The following VWA8 variants were observed in gnomAD, a reference collection of about 807,000 sequenced individuals.
The protein encoded by VWA8 is von Willebrand factor A domain containing 8.
VWA8 carries 221 observed loss-of-function variants against 241.5 expected under a neutral mutation model. That is an observed-to-expected ratio of 0.91 (90% confidence interval 0.82 to 1.02). The LOEUF (loss-of-function observed/expected upper bound fraction) is 1.02. VWA8 is among the 50% of genes least tolerant of loss of function. VWA8 has a pLI of 0.00. For missense variants in VWA8, 2,322 were observed against 2,328.7 expected, an observed-to-expected ratio of 1.00 and a Z score of 0.06; for synonymous variants, 852 against 827.1, an observed-to-expected ratio of 1.03 and a Z score of -0.52.
intron 12 of VWA8, among the ~76,000 whole-genome samples, chr13:41,834,788 T>A (rs1871640980): frequency 6.6e-6 from 1 of 152,156 alleles, no homozygotes; most frequent in South Asian, 2.1e-4. Context: ...ATGCGTATGT[T>A]CACTGCAGCA....
chr13:41,705,812 A>G (rs976996204), intron 26 of VWA8, among the ~76,000 whole-genome samples: 4 of 152,180 alleles, frequency 2.6e-5, no homozygotes, highest in Admixed American at 6.5e-5. Flanking sequence ...GGTAAGTTTT[A>G]TAGTCTTGCA....
intron 37 of VWA8, among the ~76,000 whole-genome samples, chr13:41,615,305 G>GAA (rs1381155514): frequency 6.6e-6 from 1 of 152,132 alleles, no homozygotes; most frequent in Non-Finnish European, 1.5e-5. Context: ...AACTCTTAAA[G>GAA]AAAAGTAAAG....
At chr13:41,727,118 A>G (rs1309734987) in intron 24 of VWA8, 76 bp downstream of exon 24, 3 of 1,168,756 alleles carry the variant, frequency 2.6e-6, no homozygotes, top group South Asian at 3.0e-5. Context: ...TAAGCATTCA[A>G]TGACAGCCAT....
At chr13:41,749,775 T>C (rs935361432) in intron 21 of VWA8, among the ~76,000 whole-genome samples, 1 of 151,578 alleles carries the variant, frequency 6.6e-6, no homozygotes. Flanking sequence ...AAACACCCCA[T>C]GTTCTCACTC....
chr13:41,870,165 C>T (rs1873523151), intron 9 of VWA8, among the ~76,000 whole-genome samples: 1 of 151,908 alleles, frequency 6.6e-6, no homozygotes, highest in African/African-American at 2.4e-5. Context: ...ATATTTCATA[C>T]AATTTATATA....
At chr13:41,713,758 A>G (rs1208484331) in intron 26 of VWA8, among the ~76,000 whole-genome samples, 2 of 152,186 alleles carry the variant, frequency 1.3e-5, no homozygotes, top group African/African-American at 4.8e-5. Flanking sequence ...AACATCTCAT[A>G]TACTTTATGA....
intron 12 of VWA8, among the ~76,000 whole-genome samples, chr13:41,836,238 G>C (rs1189333472): frequency 6.6e-6 from 1 of 152,002 alleles, no homozygotes; most frequent in Non-Finnish European, 1.5e-5. Context: ...AAAAATAAGA[G>C]AAAAAAAGAG....
chr13:41,583,642 C>CAAAAAAAA (rs935505646), intron 42 of VWA8, among the ~76,000 whole-genome samples: 2 of 42,142 alleles, frequency 4.7e-5, no homozygotes, highest in Admixed American at 2.6e-4. Flanking sequence ...GACTCCATCT[C>CAAAAAAAA]AAAAAAAAAA....
intron 37 of VWA8, among the ~76,000 whole-genome samples, chr13:41,652,361 CAG>C (rs1238038022): frequency 6.6e-6 from 1 of 152,158 alleles, no homozygotes; most frequent in Non-Finnish European, 1.5e-5. Context: ...TCTTTGTTAG[CAG>C]AGTGAGCCTG....
chr13:41,682,454 C>T (rs2045107596), intron 35 of VWA8, among the ~76,000 whole-genome samples: 1 of 152,084 alleles, frequency 6.6e-6, no homozygotes, highest in South Asian at 2.1e-4. Flanking sequence ...AAGATTTGCC[C>T]TTCATCAAAA....
intron 37 of VWA8, among the ~76,000 whole-genome samples, chr13:41,646,128 A>G (rs542540150): frequency 6.6e-6 from 1 of 152,172 alleles, no homozygotes; most frequent in South Asian, 2.1e-4. Context: ...CACCACGCCC[A>G]GCTAATTTTG....
intron 4 of VWA8, among the ~76,000 whole-genome samples, chr13:41,903,451 A>C (rs1016077048): frequency 1.3e-5 from 2 of 152,190 alleles, no homozygotes; most frequent in African/African-American, 4.8e-5. Context: ...GAAATAGGTA[A>C]GTTCAGAGAG....
chr13:41,676,402 G>A (rs1403096388), intron 35 of VWA8, among the ~76,000 whole-genome samples: 1 of 152,050 alleles, frequency 6.6e-6, no homozygotes, highest in African/African-American at 2.4e-5. Context: ...AAGGTGAATT[G>A]GTCTCTGAGA....
intron 2 of VWA8, among the ~76,000 whole-genome samples, chr13:41,947,284 CA>C (rs1877893248): frequency 6.6e-6 from 1 of 152,030 alleles, no homozygotes; most frequent in Admixed American, 6.6e-5. Flanking sequence ...GAAGAGTGAA[CA>C]AAAAGCTATT....
At position 41,699,074 on chromosome 13, in the gene VWA8, C is replaced by T; in HGVS notation, c.3561G>A (p.Gln1187=). 6.2e-7 allele frequency: 1 copy of T among 1,613,898 alleles called. No individual in the cohort carries two copies. The highest frequency in any genetic ancestry group is 8.5e-7 in the Non-Finnish European group (1 of 1,179,846). ...PLKGQVVLHE[Q]QSNVILLLDT... ...ATTGTAGCCTGGTGTGCATTACCTGCTGCTCATGGAGAACCACTTGACCTT... is the reference window on the plus strand; with the variant it reads ...ATTGTAGCCTGGTGTGCATTACCTGTTGCTCATGGAGAACCACTTGACCTT... The change falls in exon 29 of 45, where the codon CAG becomes CAA. Residue 1187 remains glutamine, a synonymous_variant. Coordinates refer to ENST00000379310, the MANE Select transcript of VWA8 (RefSeq NM_015058.2).
intron 42 of VWA8, among the ~76,000 whole-genome samples, chr13:41,577,515 G>C (rs2044357513): frequency 6.6e-6 from 1 of 152,180 alleles, no homozygotes; most frequent in Non-Finnish European, 1.5e-5. Flanking sequence ...GTCATCCATG[G>C]GTTCAGTGGT....
At chr13:41,694,142 T>A (rs2045199127) in intron 29 of VWA8, among the ~76,000 whole-genome samples, 1 of 151,968 alleles carries the variant, frequency 6.6e-6, no homozygotes, top group African/African-American at 2.4e-5. Flanking sequence ...AATGAATTAA[T>A]CATGACCCTT....
At chr13:41,573,484 A>ATAAATAAATAAAT (rs796873882) in intron 43 of VWA8, among the ~76,000 whole-genome samples, 1 of 117,018 alleles carries the variant, frequency 8.5e-6, no homozygotes, top group African/African-American at 3.7e-5. Context: ...TAAAAAAAAA[A>ATAAATAAATAAAT]AAATATATAT....
chr13:41,602,652 G>T (rs1164100325), intron 40 of VWA8, among the ~76,000 whole-genome samples: 7 of 152,130 alleles, frequency 4.6e-5, no homozygotes, highest in Non-Finnish European at 7.4e-5. Flanking sequence ...AGGTAACAAT[G>T]AAGTGAATCC....
Sources: gnomAD v4.1 joint callset for allele counts (sites outside exome capture counted in the v4.1 genomes callset) on GRCh38, gnomAD v4.1.1 for gene constraint, MANE v1.5 for transcripts, NCBI Gene and HGNC (gene_info 2026-07-23, HGNC 2026-07-21) for gene names.